Variants in ZFPM2 observed in about 807,000 individuals in gnomAD.
ZFPM2 encodes zinc finger protein ZFPM2.
A neutral mutation model predicts 98.6 loss-of-function variants in ZFPM2; 20 were observed. The ratio of observed to expected loss-of-function variants is 0.20; its 90% CI spans 0.14 to 0.29. ZFPM2 has a LOEUF of 0.29. Ranked by LOEUF, ZFPM2 falls within the 10% of genes least tolerant of loss-of-function variation. The probability of loss-of-function intolerance (pLI) is 1.00; values close to 1 mark genes in which losing one functional copy is unlikely to be tolerated. For synonymous variants in ZFPM2, 518 were observed against 502.7 expected, an observed-to-expected ratio of 1.03 and a Z score of -0.41; for missense variants, 1,310 against 1,388.6, an observed-to-expected ratio of 0.94 and a Z score of 0.90.
intron 5 of ZFPM2, among the ~76,000 whole-genome samples, chr8:105,743,636 C>CT (rs1812276786): frequency 6.6e-6 from 1 of 152,056 alleles, no homozygotes; most frequent in South Asian, 2.1e-4. Context: ...AAACAGTGAA[C>CT]TACTCCTTAA....
In ZFPM2 at chr8:105,803,338, G is replaced by T; in HGVS notation, c.3256G>T (p.Ala1086Ser). The change falls in exon 8 of 8, where the codon GCC becomes TCC. Residue 1086 changes from alanine to serine, a missense_variant. Transcript: ENST00000407775. Reference sequence around the variant, plus strand: ...GTGGATCTCTGAGAACCCATTAGCTGCCAATGAGAATGTCTCACCAGGAAT... The same window carrying T: ...GTGGATCTCTGAGAACCCATTAGCTTCCAATGAGAATGTCTCACCAGGAAT... ...PSWISENPLAANENVSPGIPS... is the reference protein window; with the variant it reads ...PSWISENPLASNENVSPGIPS... The T allele has an allele frequency of 4.4e-6, 7 of 1,608,096 alleles. No individual in the cohort carries two copies. The highest frequency in any genetic ancestry group is 6.0e-6 in the Non-Finnish European group (7 of 1,176,242).
At chr8:105,508,343 C>T (rs751657944) in intron 3 of ZFPM2, among the ~76,000 whole-genome samples, 45 of 152,222 alleles carry the variant, frequency 3.0e-4, no homozygotes, top group Admixed American at 2.1e-3. Flanking sequence ...AGAAGAGGCT[C>T]ATCTGCTGGT....
chr8:105,718,179 G>A (rs556485196), intron 5 of ZFPM2, among the ~76,000 whole-genome samples: 1 of 152,040 alleles, frequency 6.6e-6, no homozygotes, highest in Admixed American at 6.6e-5. Flanking sequence ...CAATGTCTTG[G>A]TCCCTGACTG....
intron 5 of ZFPM2, among the ~76,000 whole-genome samples, chr8:105,668,501 G>GA (rs964424940): frequency 1.2e-4 from 18 of 146,794 alleles, no homozygotes; most frequent in Non-Finnish European, 1.2e-4. Flanking sequence ...CCTTTCTTGA[G>GA]AAAAAAAAAA....
chr8:105,549,615 C>CT (rs1227045659), intron 3 of ZFPM2, among the ~76,000 whole-genome samples: 34 of 137,168 alleles, frequency 2.5e-4, no homozygotes, highest in African/African-American at 4.9e-4. Context: ...CTCTCTCTCT[C>CT]TTTTTTTTTT....
chr8:105,573,072 G>A (rs956854302), intron 4 of ZFPM2, among the ~76,000 whole-genome samples: 2 of 152,118 alleles, frequency 1.3e-5, no homozygotes, highest in Non-Finnish European at 2.9e-5. Flanking sequence ...GACAGGTCTT[G>A]GTGTCATCTG....
chr8:105,498,662 G>A (rs1782819223), intron 3 of ZFPM2, among the ~76,000 whole-genome samples: 1 of 152,218 alleles, frequency 6.6e-6, no homozygotes, highest in African/African-American at 2.4e-5. Context: ...TAAAAGGAGG[G>A]AGATGTGGAG....
chr8:105,701,637 T>C (rs1429229088), intron 5 of ZFPM2, among the ~76,000 whole-genome samples: 3 of 152,144 alleles, frequency 2.0e-5, no homozygotes, highest in East Asian at 1.9e-4. Context: ...AGCAGGAAAG[T>C]AGTGGTAGAA....
intron 5 of ZFPM2, among the ~76,000 whole-genome samples, chr8:105,654,785 C>T (rs765360745): frequency 3.3e-5 from 5 of 152,152 alleles, no homozygotes; most frequent in African/African-American, 9.6e-5. Flanking sequence ...TTTGTAGTGA[C>T]GCCTGTCAAA....
intron 1 of ZFPM2, among the ~76,000 whole-genome samples, chr8:105,320,254 C>A (rs1309736949): frequency 9.1e-6 from 1 of 110,198 alleles, no homozygotes; most frequent in Admixed American, 9.8e-5. Flanking sequence ...GTATTCAGAT[C>A]TTTGTGTGTG....
chr8:105,413,507 T>TATATATACAC (rs1554602641), intron 1 of ZFPM2, among the ~76,000 whole-genome samples: 1 of 135,558 alleles, frequency 7.4e-6, no homozygotes, highest in Non-Finnish European at 1.6e-5. Context: ...TATATATATA[T>TATATATACAC]ACACACACAC....
At chr8:105,415,566 C>G (rs1278815734) in intron 1 of ZFPM2, among the ~76,000 whole-genome samples, 3 of 152,000 alleles carry the variant, frequency 2.0e-5, no homozygotes, top group African/African-American at 4.8e-5. Context: ...GCCCACTAAT[C>G]CATACACAGG....
At chr8:105,756,239 A>G (rs1812593984) in intron 5 of ZFPM2, among the ~76,000 whole-genome samples, 2 of 152,156 alleles carry the variant, frequency 1.3e-5, no homozygotes, top group South Asian at 2.1e-4. Flanking sequence ...AAAACCCTGT[A>G]GCCCTTTTGA....
At chr8:105,449,511 T>C in intron 3 of ZFPM2, among the ~76,000 whole-genome samples, 1 of 152,076 alleles carries the variant, frequency 6.6e-6, no homozygotes. Flanking sequence ...TTTGATGAAT[T>C]AATAGAATAA....
chr8:105,664,816 A>G (rs1422827831), intron 5 of ZFPM2, among the ~76,000 whole-genome samples: 2 of 152,194 alleles, frequency 1.3e-5, no homozygotes, highest in African/African-American at 2.4e-5. Flanking sequence ...TTGGAAGAGT[A>G]TAAAGGCTGA....
intron 4 of ZFPM2, among the ~76,000 whole-genome samples, chr8:105,600,111 A>C (rs1360525391): frequency 6.6e-6 from 1 of 152,150 alleles, no homozygotes; most frequent in East Asian, 1.9e-4. Flanking sequence ...ATGTTTGCCT[A>C]CTGTATCTTT....
intron 1 of ZFPM2, among the ~76,000 whole-genome samples, chr8:105,350,836 G>A (rs1812626832): frequency 6.6e-6 from 1 of 152,006 alleles, no homozygotes; most frequent in Non-Finnish European, 1.5e-5. Flanking sequence ...TTCAGTATCT[G>A]TGGAGAATTG....
rs7465175 is a variant in ZFPM2, at chr8:105,496,682, T to C, written c.301+52301T>C. On this transcript the variant is annotated intron_variant, in intron 3 of 7. Transcript: ENST00000407775. ...TTTTTTTGTTTTTTTGGTTTTTTTTTTTTTTTGAGACGGAGTCAGGCCGGG... is the reference window on the plus strand; with the variant it reads ...TTTTTTTGTTTTTTTGGTTTTTTTTCTTTTTTGAGACGGAGTCAGGCCGGG... 6.2e-3 allele frequency among the ~76,000 whole-genome samples: 930 copies of C among 149,458 alleles called. 8 individuals are homozygous for C. The highest frequency in any genetic ancestry group is 0.022 in the African/African-American group (883 of 40,924).
At chr8:105,693,953 A>G (rs1810951257) in intron 5 of ZFPM2, among the ~76,000 whole-genome samples, 1 of 149,862 alleles carries the variant, frequency 6.7e-6, no homozygotes, top group Non-Finnish European at 1.5e-5. Context: ...ATATTATCCA[A>G]ATTTTTTTCT....
Sources: allele counts gnomAD v4.1 joint callset (sites outside exome capture counted in the v4.1 genomes callset), GRCh38; gene constraint gnomAD v4.1.1; transcripts MANE v1.5; gene names NCBI Gene and HGNC (gene_info 2026-07-23, HGNC 2026-07-21).